The following GALNTL6 variants were observed in gnomAD, a reference collection of about 807,000 sequenced individuals.
The protein encoded by GALNTL6 is polypeptide N-acetylgalactosaminyltransferase like 6, also known as polypeptide N-acetylgalactosaminyltransferase-like 6.
A neutral mutation model predicts 73.7 loss-of-function variants in GALNTL6; 46 were observed. That is an observed-to-expected ratio of 0.62 (90% CI 0.49 to 0.80). The LOEUF is 0.80. GALNTL6 is among the 30% of genes least tolerant of loss of function. The pLI, the probability that GALNTL6 is intolerant of heterozygous loss-of-function variation, is 0.00. For missense variants in GALNTL6, 604 were observed against 755.0 expected (o/e 0.80, Z 2.34); for synonymous variants, 259 against 263.7 (o/e 0.98, Z 0.17).
At chr4:172,861,771 G>A (rs377086813) in intron 7 of GALNTL6, among the ~76,000 whole-genome samples, 43 of 152,122 alleles carry the variant, frequency 2.8e-4, no homozygotes, top group Admixed American at 5.9e-4. Context: ...GAGTTCCCCC[G>A]TACACACTCT....
chr4:172,062,947 T>G (rs1184723182), intron 2 of GALNTL6, among the ~76,000 whole-genome samples: 1 of 152,198 alleles, frequency 6.6e-6, no homozygotes, highest in Non-Finnish European at 1.5e-5. Context: ...ATAAAAGTTA[T>G]TTTTCCCACC....
intron 12 of GALNTL6, among the ~76,000 whole-genome samples, chr4:173,023,030 C>A (rs1753080491): frequency 6.6e-6 from 1 of 152,160 alleles, no homozygotes; most frequent in South Asian, 2.1e-4. Context: ...TGCTTTTTCA[C>A]ACTCTGAGGC....
chr4:171,931,982 G>GAAAGTA (rs2110998237), intron 2 of GALNTL6, among the ~76,000 whole-genome samples: 2 of 152,162 alleles, frequency 1.3e-5, no homozygotes, highest in East Asian at 3.9e-4. Context: ...TTATTTAATG[G>GAAAGTA]AAAGTAATAA....
rs1329766316 is a variant in GALNTL6 at position 171,966,093 on chromosome 4, C to A, written c.138+151375C>A. Among the ~76,000 whole-genome samples the A allele has an allele frequency of 3.9e-5, 6 of 152,066 alleles. 1 individual carries two copies. The highest frequency in any genetic ancestry group is 3.3e-4 in the Admixed American group (5 of 15,258). On this transcript the variant is annotated intron_variant, in intron 2 of 12. Coordinates refer to ENST00000506823, the MANE Select transcript of GALNTL6 (RefSeq NM_001034845.3). ...TTTTTTAACTTTTGAGAGTAGGAAACCCTGATCATCTTAGACATAAGTTGT... is the reference window on the plus strand; with the variant it reads ...TTTTTTAACTTTTGAGAGTAGGAAAACCTGATCATCTTAGACATAAGTTGT...
chr4:172,835,619 T>C (rs1309990645), intron 7 of GALNTL6, among the ~76,000 whole-genome samples: 1 of 152,094 alleles, frequency 6.6e-6, no homozygotes, highest in Non-Finnish European at 1.5e-5. Flanking sequence ...GTATCTGTGT[T>C]TTAGGAAAAT....
intron 5 of GALNTL6, among the ~76,000 whole-genome samples, chr4:172,730,753 A>C (rs1464820632): frequency 6.6e-6 from 1 of 152,132 alleles, no homozygotes; most frequent in Admixed American, 6.6e-5. Context: ...TGACTTGGGA[A>C]GTATTCCCTC....
At chr4:172,580,228 C>T (rs1215194146) in intron 5 of GALNTL6, among the ~76,000 whole-genome samples, 6 of 152,096 alleles carry the variant, frequency 3.9e-5, no homozygotes, top group Non-Finnish European at 8.8e-5. Context: ...TACAAATCAG[C>T]CCCACAAAGA....
chr4:172,242,220 A>G (rs836319), intron 3 of GALNTL6, among the ~76,000 whole-genome samples: 66,942 of 151,904 alleles, frequency 0.44, 16,916 homozygotes, highest in East Asian at 0.78. Context: ...TGCTTGGATA[A>G]CTGTTTTCTA....
At chr4:172,411,757 T>C (rs897796553) in intron 5 of GALNTL6, among the ~76,000 whole-genome samples, 1 of 152,054 alleles carries the variant, frequency 6.6e-6, no homozygotes, top group East Asian at 1.9e-4. Flanking sequence ...GGAACATAAA[T>C]TGAGAAAATG....
intron 5 of GALNTL6, among the ~76,000 whole-genome samples, chr4:172,488,426 CAG>C (rs1733773347): frequency 6.6e-6 from 1 of 152,178 alleles, no homozygotes; most frequent in South Asian, 2.1e-4. Flanking sequence ...AATTCATTTG[CAG>C]AGATCTTTAC....
intron 5 of GALNTL6, among the ~76,000 whole-genome samples, chr4:172,412,145 G>A (rs1561071326): frequency 6.6e-6 from 1 of 152,036 alleles, no homozygotes; most frequent in Non-Finnish European, 1.5e-5. Context: ...CAGAGTTCAG[G>A]TGATCCTCCT....
intron 4 of GALNTL6, among the ~76,000 whole-genome samples, chr4:172,323,167 G>A (rs1407176303): frequency 6.6e-6 from 1 of 151,990 alleles, no homozygotes; most frequent in Non-Finnish European, 1.5e-5. Context: ...TACAAATTAG[G>A]TTTCTATAGA....
intron 12 of GALNTL6, among the ~76,000 whole-genome samples, chr4:173,031,217 T>TA (rs112358577): frequency 0.35 from 53,129 of 151,890 alleles, 9,751 homozygotes; most frequent in African/African-American, 0.43. Context: ...TTCTGATGAT[T>TA]AAAAAAAATT....
At chr4:171,997,252 C>T (rs567372290) in intron 2 of GALNTL6, among the ~76,000 whole-genome samples, 5 of 152,138 alleles carry the variant, frequency 3.3e-5, no homozygotes, top group Admixed American at 2.6e-4. Context: ...GGGCAACTTC[C>T]CTAGCTCCAT....
chr4:172,210,580 T>G (rs1413058037), intron 2 of GALNTL6, among the ~76,000 whole-genome samples: 1 of 152,104 alleles, frequency 6.6e-6, no homozygotes, highest in African/African-American at 2.4e-5. Flanking sequence ...GAAAGACTAC[T>G]GAGGTAAAGT....
chr4:172,680,203 A>T (rs1459929667), intron 5 of GALNTL6, among the ~76,000 whole-genome samples: 2 of 152,194 alleles, frequency 1.3e-5, no homozygotes, highest in Non-Finnish European at 2.9e-5. Context: ...CTATGAAATG[A>T]ATAGTGTTAT....
At chr4:171,881,123 C>T (rs1736434779) in intron 2 of GALNTL6, among the ~76,000 whole-genome samples, 1 of 152,106 alleles carries the variant, frequency 6.6e-6, no homozygotes, top group Non-Finnish European at 1.5e-5. Flanking sequence ...TGCCCCTAGC[C>T]TTGCAAGCCA....
intron 4 of GALNTL6, among the ~76,000 whole-genome samples, chr4:172,326,032 A>G (rs890641017): frequency 3.3e-5 from 5 of 151,898 alleles, no homozygotes; most frequent in Non-Finnish European, 5.9e-5. Context: ...TAAACTAAAA[A>G]TCATTAACAG....
chr4:172,048,469 C>T (rs1742279932), intron 2 of GALNTL6, among the ~76,000 whole-genome samples: 1 of 152,058 alleles, frequency 6.6e-6, no homozygotes. Flanking sequence ...AAGCCATTTT[C>T]CCTCAGTCAC....
Sources: gnomAD v4.1 joint callset for allele counts (sites outside exome capture counted in the v4.1 genomes callset) on GRCh38, gnomAD v4.1.1 for gene constraint, MANE v1.5 for transcripts, NCBI Gene and HGNC (gene_info 2026-07-23, HGNC 2026-07-21) for gene names.